Variants in CCNY observed in about 807,000 individuals in gnomAD.
CCNY encodes the protein cyclin-Y.
CCNY carries 19 observed loss-of-function variants against 42.8 expected under a neutral mutation model. The ratio of observed to expected loss-of-function variants is 0.44; its 90% CI spans 0.31 to 0.65. CCNY has a LOEUF of 0.65. Among genes scored for constraint, CCNY ranks in the 30% least tolerant of loss-of-function variants. The pLI, the probability that CCNY is intolerant of heterozygous loss-of-function variation, is 0.07. For missense variants in CCNY, 370 were observed against 437.3 expected (o/e 0.85, Z 1.37); for synonymous variants, 165 against 162.7 (o/e 1.01, Z -0.11).
At chr10:35,342,976 A>G (rs1280424383) in intron 1 of CCNY, among the ~76,000 whole-genome samples, 2 of 149,246 alleles carry the variant, frequency 1.3e-5, no homozygotes, top group Non-Finnish European at 1.5e-5. Context: ...TATTTTGTGT[A>G]AGGACTTTTA....
At chr10:35,427,458 G>A (rs1410797538) in intron 1 of CCNY, among the ~76,000 whole-genome samples, 2 of 152,198 alleles carry the variant, frequency 1.3e-5, no homozygotes, top group East Asian at 1.9e-4. Context: ...GCCACCTCCC[G>A]GCTTGTGACC....
At chr10:35,492,515 G>A (rs938688446) in intron 2 of CCNY, among the ~76,000 whole-genome samples, 1 of 152,186 alleles carries the variant, frequency 6.6e-6, no homozygotes, top group African/African-American at 2.4e-5. Context: ...AAAATCAGTG[G>A]CATTACGTTC....
chr10:35,396,907 T>G (rs113932093), intron 1 of CCNY, among the ~76,000 whole-genome samples: 21 of 152,152 alleles, frequency 1.4e-4, no homozygotes, highest in Non-Finnish European at 2.8e-4. Flanking sequence ...GGATTCCAAT[T>G]ACAAAGGGTT....
At chr10:35,428,993 G>T (rs1049527699) in intron 1 of CCNY, among the ~76,000 whole-genome samples, 5 of 152,292 alleles carry the variant, frequency 3.3e-5, no homozygotes, top group African/African-American at 1.2e-4. Context: ...ATATTTAGTT[G>T]TAATAATTTT....
intron 3 of CCNY, among the ~76,000 whole-genome samples, chr10:35,292,953 T>C (rs893662147): frequency 1.3e-5 from 2 of 151,794 alleles, no homozygotes; most frequent in African/African-American, 4.8e-5. Flanking sequence ...CTAATTTTTG[T>C]ATTTTTATTA....
intron 1 of CCNY, among the ~76,000 whole-genome samples, chr10:35,430,827 A>C (rs1002246663): frequency 1.3e-5 from 2 of 152,136 alleles, no homozygotes; most frequent in Non-Finnish European, 2.9e-5. Context: ...AAAATTTAAT[A>C]CGGCTTGGCG....
intron 3 of CCNY, among the ~76,000 whole-genome samples, chr10:35,279,744 A>G (rs1196575768): frequency 2.6e-5 from 4 of 152,204 alleles, no homozygotes; most frequent in Non-Finnish European, 2.9e-5. Context: ...CAGGACTGTC[A>G]TGCACTGACT....
intron 1 of CCNY, among the ~76,000 whole-genome samples, chr10:35,396,668 C>T (rs1393388440): frequency 6.6e-6 from 1 of 152,220 alleles, no homozygotes. Context: ...ACCTAGGCCT[C>T]AGGGACGCTT....
intron 1 of CCNY, among the ~76,000 whole-genome samples, chr10:35,373,331 A>G (rs1473030625): frequency 6.6e-6 from 1 of 152,220 alleles, no homozygotes; most frequent in African/African-American, 2.4e-5. Flanking sequence ...GTAGGTGCTT[A>G]GTAGACCATG....
At chr10:35,388,211 T>C (rs992301145) in intron 1 of CCNY, among the ~76,000 whole-genome samples, 1 of 152,232 alleles carries the variant, frequency 6.6e-6, no homozygotes, top group Admixed American at 6.5e-5. Context: ...CATTTGTATT[T>C]GGAGAGTGTA....
chr10:35,466,742 A>C (rs1839278261), intron 1 of CCNY, among the ~76,000 whole-genome samples: 1 of 152,206 alleles, frequency 6.6e-6, no homozygotes, highest in African/African-American at 2.4e-5. Context: ...GGTTCCTGGC[A>C]AAGCCGCAAC....
At chr10:35,561,516 A>G (rs1841466234) in intron 8 of CCNY, among the ~76,000 whole-genome samples, 1 of 152,222 alleles carries the variant, frequency 6.6e-6, no homozygotes, top group Non-Finnish European at 1.5e-5. Flanking sequence ...GTTTCCTGGC[A>G]GAGGCAAACA....
At chr10:35,340,763 C>G (rs1426515627) in intron 1 of CCNY, among the ~76,000 whole-genome samples, 1 of 152,158 alleles carries the variant, frequency 6.6e-6, no homozygotes. Flanking sequence ...CTCAGTCTCC[C>G]AAAGTGCTGG....
intron 1 of CCNY, among the ~76,000 whole-genome samples, chr10:35,461,281 G>A (rs776212976): frequency 1.3e-4 from 20 of 152,184 alleles, no homozygotes; most frequent in Non-Finnish European, 2.6e-4. Flanking sequence ...TTTGTGATGG[G>A]GGAAAGAGAT....
chr10:35,431,797 G>GGT (rs1340961068), intron 1 of CCNY, among the ~76,000 whole-genome samples: 1 of 151,910 alleles, frequency 6.6e-6, no homozygotes, highest in African/African-American at 2.4e-5. Context: ...CCACTCACAG[G>GGT]GTGTGGCCTT....
At chr10:35,291,104 C>G (rs1835408421) in intron 3 of CCNY, among the ~76,000 whole-genome samples, 1 of 151,896 alleles carries the variant, frequency 6.6e-6, no homozygotes, top group African/African-American at 2.4e-5. Flanking sequence ...CTCCTGGGTT[C>G]AAGCGATTCT....
chr10:35,249,059 C>T (rs1176220944), intron 2 of CCNY, among the ~76,000 whole-genome samples: 1 of 152,186 alleles, frequency 6.6e-6, no homozygotes, highest in East Asian at 1.9e-4. Flanking sequence ...GTGATTCTCC[C>T]ACCTCAACCC....
At chr10:35,548,290 A>ATG (rs1482846538) in intron 7 of CCNY, among the ~76,000 whole-genome samples, 11 of 146,452 alleles carry the variant, frequency 7.5e-5, no homozygotes, top group African/African-American at 2.8e-4. Context: ...ATATATATTT[A>ATG]TGTATATATA....
intron 1 of CCNY, among the ~76,000 whole-genome samples, chr10:35,388,669 T>G (rs1030982260): frequency 2.0e-5 from 3 of 152,252 alleles, no homozygotes; most frequent in African/African-American, 7.2e-5. Context: ...GTGTTCATTT[T>G]CTGCTGCTGC....
Sources: gnomAD v4.1 joint callset for allele counts (sites outside exome capture counted in the v4.1 genomes callset) on GRCh38, gnomAD v4.1.1 for gene constraint, MANE v1.5 for transcripts, NCBI Gene and HGNC (gene_info 2026-07-23, HGNC 2026-07-21) for gene names.